The following PUDP variants were observed in gnomAD, a reference collection of about 807,000 sequenced individuals.
PUDP encodes pseudouridine 5'-phosphatase, also known as pseudouridine-5'-phosphatase.
PUDP carries 8 observed loss-of-function variants against 9.4 expected under a neutral mutation model. The ratio of observed to expected loss-of-function variants is 0.85; its 90% CI spans 0.50 to 1.53. The LOEUF (loss-of-function observed/expected upper bound fraction) is 1.53, where lower values mean the gene tolerates loss of function less well. PUDP is among the 40% of genes most tolerant of loss of function. The pLI is 0.00. For missense variants in PUDP, 188 were observed against 189.7 expected, an observed-to-expected ratio of 0.99 and a Z score of 0.05; for synonymous variants, 99 against 80.7, an observed-to-expected ratio of 1.23 and a Z score of -1.22.
At chrX:6,739,262 C>A (rs1390804119) in intron 3 of PUDP, among the ~76,000 whole-genome samples, 1 of 111,513 alleles carries the variant, frequency 9.0e-6, no homozygotes, top group East Asian at 2.8e-4. Context: ...ATGATAGGAA[C>A]ACTTCCACTC....
intron 3 of PUDP, among the ~76,000 whole-genome samples, chrX:6,804,177 C>G (rs1461587079): frequency 9.0e-6 from 1 of 111,201 alleles, no homozygotes. Context: ...ACACCAGGCA[C>G]ATGCATGTAT....
At chrX:7,019,446 T>A (rs1286918451) in intron 1 of PUDP, among the ~76,000 whole-genome samples, 1 of 112,273 alleles carries the variant, frequency 8.9e-6, no homozygotes, top group Non-Finnish European at 1.9e-5. Context: ...GCGATTTGCG[T>A]CTGCAGATAA....
At chrX:6,814,125 A>G (rs1302538863) in intron 3 of PUDP, among the ~76,000 whole-genome samples, 4 of 111,176 alleles carry the variant, frequency 3.6e-5, no homozygotes, top group Non-Finnish European at 1.9e-5. Context: ...CTAGGACTTA[A>G]CAACCTGAAA....
At chrX:7,044,012 C>G (rs1177639570), downstream of PUDP, among the ~76,000 whole-genome samples, 2 of 112,436 alleles carry the variant, frequency 1.8e-5, no homozygotes, top group Non-Finnish European at 3.8e-5. Context: ...CCAGTCTTAA[C>G]TGGCTCATAA....
intron 3 of PUDP, among the ~76,000 whole-genome samples, chrX:6,859,522 T>TTGC (rs1926965142): frequency 9.2e-6 from 1 of 108,481 alleles, no homozygotes; most frequent in Non-Finnish European, 1.9e-5. Context: ...GAAGGGCTTG[T>TTGC]ACTGTGCTAA....
chrX:6,844,881 G>C (rs1361486465), intron 3 of PUDP, among the ~76,000 whole-genome samples: 1 of 112,317 alleles, frequency 8.9e-6, no homozygotes, highest in Non-Finnish European at 1.9e-5. Context: ...ACTAGTCCCA[G>C]AGTCTGAAAG....
chrX:6,984,050 G>A (rs1929072838), intron 1 of PUDP, among the ~76,000 whole-genome samples: 1 of 112,365 alleles, frequency 8.9e-6, no homozygotes, highest in East Asian at 2.8e-4. Context: ...AAGACGTCAA[G>A]AACCTGGACA....
chrX:6,728,491 T>C (rs1924770564), intron 3 of PUDP, among the ~76,000 whole-genome samples: 2 of 111,986 alleles, frequency 1.8e-5, no homozygotes, highest in Admixed American at 9.5e-5. Context: ...CTTTATGTTA[T>C]TGGACAATTT....
chrX:6,717,170 G>A (rs751940003), intron 1 of PUDP, among the ~76,000 whole-genome samples: 43 of 111,804 alleles, frequency 3.8e-4, no homozygotes, highest in African/African-American at 1.3e-3. Context: ...CAAGTACTGT[G>A]CTATTGGCTC....
At chrX:6,916,191 T>TACACAC (rs747162229) in intron 3 of PUDP, among the ~76,000 whole-genome samples, 790 of 69,801 alleles carry the variant, frequency 0.011, 12 homozygotes, top group East Asian at 0.02. Context: ...ATGCTTTTTC[T>TACACAC]ACACACACAC....
intron 3 of PUDP, among the ~76,000 whole-genome samples, chrX:6,741,848 TTCTTTTTC>T (rs1166679323): frequency 9.6e-5 from 10 of 104,331 alleles, no homozygotes; most frequent in African/African-American, 3.8e-4. Flanking sequence ...CTTTCTTTCT[TTCTTTTTC>T]TTTCTTTCTT....
At chrX:7,046,556 G>A (rs1397257716), downstream of PUDP, among the ~76,000 whole-genome samples, 2 of 112,731 alleles carry the variant, frequency 1.8e-5, no homozygotes, top group Non-Finnish European at 3.7e-5. Flanking sequence ...ACTATGTACA[G>A]TATTAACTGT....
intron 3 of PUDP, among the ~76,000 whole-genome samples, chrX:6,736,331 A>G (rs1465683464): frequency 8.9e-6 from 1 of 111,751 alleles, no homozygotes; most frequent in African/African-American, 3.2e-5. Context: ...TCCTATCCCC[A>G]AAGATATCAG....
intron 1 of PUDP, among the ~76,000 whole-genome samples, chrX:7,144,237 T>C (rs1932825559): frequency 8.9e-6 from 1 of 112,249 alleles, no homozygotes; most frequent in Admixed American, 9.4e-5. Flanking sequence ...CGACTGAGGC[T>C]GAAAAGCTTG....
chrX:6,998,945 T>G (rs748857386), intron 1 of PUDP, among the ~76,000 whole-genome samples: 2 of 111,031 alleles, frequency 1.8e-5, no homozygotes, highest in South Asian at 7.7e-4. Flanking sequence ...GGCTGGGAAC[T>G]GGTGGGGAAA....
At chrX:7,129,344 T>G (rs997739222) in intron 1 of PUDP, among the ~76,000 whole-genome samples, 1 of 111,956 alleles carries the variant, frequency 8.9e-6, no homozygotes, top group Non-Finnish European at 1.9e-5. Context: ...TGCTCTGTCA[T>G]GTAACATGTG....
chrX:6,996,268 A>G (rs1242343798), intron 1 of PUDP, among the ~76,000 whole-genome samples: 2 of 111,762 alleles, frequency 1.8e-5, no homozygotes, highest in Non-Finnish European at 3.8e-5. Flanking sequence ...TGGAGAGAGG[A>G]GCATGAGAAA....
At chrX:6,775,824 G>A (rs1297746014) in intron 3 of PUDP, among the ~76,000 whole-genome samples, 4 of 111,366 alleles carry the variant, frequency 3.6e-5, no homozygotes, top group South Asian at 3.8e-4. Flanking sequence ...AGAAGGCCCC[G>A]TCTATGAACC....
intron 3 of PUDP, among the ~76,000 whole-genome samples, chrX:6,888,484 A>G (rs188640086): frequency 0.02 from 2,163 of 108,488 alleles, 57 homozygotes; most frequent in African/African-American, 0.07. Flanking sequence ...TCTACTAAAA[A>G]AAAAAATACA....
Sources: allele counts gnomAD v4.1 joint callset (sites outside exome capture counted in the v4.1 genomes callset), GRCh38; gene constraint gnomAD v4.1.1; transcripts MANE v1.5; gene names NCBI Gene and HGNC (gene_info 2026-07-23, HGNC 2026-07-21).